The following TENM4 variants were observed in gnomAD, a reference collection of about 807,000 sequenced individuals.
The protein encoded by TENM4 is teneurin transmembrane protein 4, also known as teneurin-4.
In TENM4, 82 loss-of-function variants were observed where a neutral mutation model predicts 243.3. The observed-to-expected ratio is 0.34, with a 90% confidence interval of 0.28 to 0.40. The LOEUF is 0.40. TENM4 is among the 10% of genes least tolerant of loss of function. TENM4 has a pLI of 1.00. For synonymous variants in TENM4, 1,412 were observed against 1,456.3 expected (o/e 0.97, Z 0.69); for missense variants, 3,138 against 3,673.3 (o/e 0.85, Z 3.77).
chr11:78,918,824 G>GT (rs1316604351), intron 6 of TENM4, among the ~76,000 whole-genome samples: 2 of 152,128 alleles, frequency 1.3e-5, no homozygotes, highest in African/African-American at 2.4e-5. Context: ...TGCTTCCTTT[G>GT]TTTTTTGGAA....
chr11:79,111,037 G>C (rs111765365), intron 4 of TENM4, among the ~76,000 whole-genome samples: 1 of 152,170 alleles, frequency 6.6e-6, no homozygotes, highest in Non-Finnish European at 1.5e-5. Flanking sequence ...AGTTGTGGGA[G>C]GGAGCCGGTG....
At chr11:79,057,889 C>A (rs1476212047) in intron 6 of TENM4, among the ~76,000 whole-genome samples, 2 of 152,216 alleles carry the variant, frequency 1.3e-5, no homozygotes, top group Non-Finnish European at 2.9e-5. Flanking sequence ...AATGTCCCCT[C>A]TTACCCCTCT....
chr11:79,022,518 A>G (rs377507251), intron 6 of TENM4, among the ~76,000 whole-genome samples: 2 of 152,154 alleles, frequency 1.3e-5, no homozygotes, highest in East Asian at 1.9e-4. Flanking sequence ...GCATTCCTCA[A>G]TTCACATGGC....
rs72172542 is a variant in TENM4, at chr11:78,750,849, TTGTG to T, written c.2756+5952_2756+5955del. ...CTGGTCAATATTTACCAAATGAGGC[TTGTG>T]TGTGTGTGTGTGTGTGTGTGTGTGT... On this transcript the variant is annotated intron_variant, in intron 19 of 33. Coordinates refer to ENST00000278550, the MANE Select transcript of TENM4 (RefSeq NM_001098816.3). 5.0e-3 allele frequency among the ~76,000 whole-genome samples: 728 copies of T among 145,772 alleles called. 2 individuals are homozygous for T. The highest frequency in any genetic ancestry group is 7.5e-3 in the Non-Finnish European group (494 of 66,050).
At chr11:79,234,455 T>C (rs987248518) in intron 2 of TENM4, among the ~76,000 whole-genome samples, 7 of 151,780 alleles carry the variant, frequency 4.6e-5, no homozygotes, top group Admixed American at 2.6e-4. Context: ...ATTCACTGCA[T>C]GGGGCTGAGC....
intron 2 of TENM4, among the ~76,000 whole-genome samples, chr11:79,244,118 G>T (rs1565265865): frequency 6.6e-6 from 1 of 152,174 alleles, no homozygotes; most frequent in South Asian, 2.1e-4. Context: ...ACAAGTTGCT[G>T]GGTCCCACCC....
intron 12 of TENM4, among the ~76,000 whole-genome samples, chr11:78,832,016 T>C (rs578153378): frequency 6.6e-6 from 1 of 152,212 alleles, no homozygotes; most frequent in Non-Finnish European, 1.5e-5. Context: ...GTACATTGCA[T>C]TGTGTCATTA....
In TENM4 at chr11:78,787,451, G is replaced by A. The variant is rs145047971; in HGVS notation, c.2180-368C>T. Among the ~76,000 whole-genome samples, 22 of 152,310 alleles carry A rather than the reference G, an allele frequency of 1.4e-4. No individual in the cohort carries two copies. In the East Asian group the frequency reaches 3.7e-3, roughly 25 times the overall value. ...CCAAAGGGGACCGGCATTCTGAACA[G>A]ACATCAGGAAAAGTCAAATGTAATT... On this transcript the variant is annotated intron_variant, in intron 15 of 33. Transcript: ENST00000278550.
chr11:79,163,744 T>C (rs1388113126), intron 3 of TENM4, among the ~76,000 whole-genome samples: 1 of 150,454 alleles, frequency 6.6e-6, no homozygotes, highest in African/African-American at 2.4e-5. Flanking sequence ...GTCTGAGTAA[T>C]ACTCCATGGT....
chr11:79,014,778 G>A (rs1397396177), intron 6 of TENM4: 17 of 152,210 alleles, frequency 1.1e-4, no homozygotes, highest in Admixed American at 1.1e-3. Flanking sequence ...GGGCAAAAGT[G>A]GGCAAGAGTG....
chr11:78,726,969 A>T (rs1565351303), intron 22 of TENM4, among the ~76,000 whole-genome samples: 1 of 152,242 alleles, frequency 6.6e-6, no homozygotes, highest in Non-Finnish European at 1.5e-5. Context: ...ATTATTTAAT[A>T]TTGGAAACTT....
At chr11:79,187,674 G>T (rs976325021) in intron 3 of TENM4, among the ~76,000 whole-genome samples, 3 of 152,172 alleles carry the variant, frequency 2.0e-5, no homozygotes, top group African/African-American at 7.2e-5. Flanking sequence ...GATTGTATTT[G>T]GAGACAGGGC....
chr11:79,219,820 T>C (rs1464744413), intron 2 of TENM4, among the ~76,000 whole-genome samples: 1 of 152,182 alleles, frequency 6.6e-6, no homozygotes, highest in Non-Finnish European at 1.5e-5. Context: ...CCAGGTGGAA[T>C]TAAATGCAGA....
At chr11:78,935,269 C>G (rs1159402901) in intron 6 of TENM4, among the ~76,000 whole-genome samples, 4 of 151,972 alleles carry the variant, frequency 2.6e-5, no homozygotes, top group Non-Finnish European at 5.9e-5. Flanking sequence ...CCTCGGCCTC[C>G]CAAAGTGCTG....
chr11:78,958,627 C>A (rs1857255737), intron 6 of TENM4, among the ~76,000 whole-genome samples: 2 of 152,206 alleles, frequency 1.3e-5, no homozygotes, highest in Non-Finnish European at 2.9e-5. Flanking sequence ...GCTCTGAGGC[C>A]TACCAGATCT....
At chr11:78,901,717 T>C (rs1332393317) in intron 7 of TENM4, among the ~76,000 whole-genome samples, 1 of 152,152 alleles carries the variant, frequency 6.6e-6, no homozygotes, top group African/African-American at 2.4e-5. Flanking sequence ...GAGATCTGAT[T>C]AAGCTACCCT....
intron 3 of TENM4, among the ~76,000 whole-genome samples, chr11:79,177,863 T>C (rs1353911413): frequency 1.3e-5 from 2 of 152,044 alleles, no homozygotes; most frequent in Non-Finnish European, 2.9e-5. Context: ...GTGACAGATG[T>C]GTAGAGCCCC....
rs1857897596 is a variant in TENM4 at position 78,656,503 on chromosome 11, T to TC, written c.*1554dup. The TC allele has an allele frequency of 6.6e-6, 1 of 152,476 alleles. No homozygotes were observed. The highest frequency in any genetic ancestry group is 2.4e-5 in the African/African-American group (1 of 41,442). 9.4% of individuals were successfully genotyped at this position (152,476 alleles called of 1,614,324 possible). On this transcript the variant is annotated 3_prime_UTR_variant, in exon 34 of 34. Transcript: ENST00000278550. ...CTGTGACTCCCCCTGCCCTCACTGC[T>TC]CCCCCAGCCTGCTGGCTGCTGCCTC... is the stretch of plus-strand genomic sequence containing the variant.
chr11:78,981,049 T>A (rs952376980), intron 6 of TENM4, among the ~76,000 whole-genome samples: 1 of 152,180 alleles, frequency 6.6e-6, no homozygotes, highest in African/African-American at 2.4e-5. Context: ...CTCTCCCCCA[T>A]GTATACGGCT....
Sources: allele counts gnomAD v4.1 joint callset (sites outside exome capture counted in the v4.1 genomes callset), GRCh38; gene constraint gnomAD v4.1.1; transcripts MANE v1.5; gene names NCBI Gene and HGNC (gene_info 2026-07-23, HGNC 2026-07-21).